Variants in ZCCHC24 observed in about 807,000 individuals in gnomAD.
The protein encoded by ZCCHC24 is zinc finger CCHC-type containing 24, also known as zinc finger CCHC domain-containing protein 24.
ZCCHC24 carries 10 observed loss-of-function variants against 26.2 expected under a neutral mutation model. The observed-to-expected ratio is 0.38, with a 90% confidence interval of 0.24 to 0.65. ZCCHC24 has a LOEUF of 0.65. Among genes scored for constraint, ZCCHC24 ranks in the 30% least tolerant of loss-of-function variants. ZCCHC24 has a pLI of 0.54. For synonymous variants in ZCCHC24, 144 were observed against 147.1 expected (o/e 0.98, Z 0.15); for missense variants, 243 against 329.1 (o/e 0.74, Z 2.03).
rs760457028 is a variant in ZCCHC24 at position 79,386,314 on chromosome 10, G to A, written c.*31C>T. ...AAGCAGCGTCTCCTCGGGCTGGCGGGGGGTGGCTCTGGGTGCGGGCGGGCA... is the reference window on the plus strand; with the variant it reads ...AAGCAGCGTCTCCTCGGGCTGGCGGAGGGTGGCTCTGGGTGCGGGCGGGCA... On this transcript the variant is annotated 3_prime_UTR_variant, in exon 4 of 4. Transcript: ENST00000372336. 1 of 1,599,246 alleles carries A rather than the reference G, an allele frequency of 6.3e-7. No individual in the cohort carries two copies. Among genetic ancestry groups the A allele is most frequent in the Admixed American group, 1.7e-5 (1 of 59,046 alleles).
chr10:79,416,996 G>T (rs1031470111), intron 2 of ZCCHC24, among the ~76,000 whole-genome samples: 1 of 152,200 alleles, frequency 6.6e-6, no homozygotes, highest in African/African-American at 2.4e-5. Context: ...TGTGGATGGC[G>T]CACTGAAGCC....
intron 1 of ZCCHC24, among the ~76,000 whole-genome samples, chr10:79,432,986 C>T (rs1393722753): frequency 6.6e-6 from 1 of 152,164 alleles, no homozygotes; most frequent in Non-Finnish European, 1.5e-5. Flanking sequence ...AACAGCTCCT[C>T]CTAGGGTTTC....
Position 79,384,598 on chromosome 10 carries a change from C to T in ZCCHC24, c.*1747G>A, listed in dbSNP as rs1856364752. The T allele has an allele frequency of 6.6e-6, 1 of 152,612 alleles. No individual in the cohort carries two copies. The highest frequency in any genetic ancestry group is 2.4e-5 in the African/African-American group (1 of 41,452). 9.5% of individuals were successfully genotyped at this position (152,612 alleles called of 1,614,324 possible). A position where few individuals can be genotyped will look rare whatever the true frequency, so the allele number is the denominator to read the frequency against. On this transcript the variant is annotated 3_prime_UTR_variant, in exon 4 of 4. Coordinates refer to ENST00000372336, the MANE Select transcript of ZCCHC24 (RefSeq NM_153367.4). ...CTGGAGCAAATACCTTTTTTAAGTG[C>T]TCAGAGGGTATGGCCCCTCAAATCC...
At chr10:79,434,145 G>T (rs1432710275) in intron 1 of ZCCHC24, among the ~76,000 whole-genome samples, 1 of 152,202 alleles carries the variant, frequency 6.6e-6, no homozygotes, top group Non-Finnish European at 1.5e-5. Context: ...TGTGCATCTG[G>T]ATCAGAGCCT....
At chr10:79,428,970 A>T (rs1857088003) in intron 2 of ZCCHC24, among the ~76,000 whole-genome samples, 2 of 152,342 alleles carry the variant, frequency 1.3e-5, no homozygotes, top group South Asian at 4.1e-4. Flanking sequence ...ATGAGTAAAG[A>T]GTTCAGAGCA....
At chr10:79,404,672 C>T (rs748146933) in intron 2 of ZCCHC24, among the ~76,000 whole-genome samples, 3 of 152,164 alleles carry the variant, frequency 2.0e-5, no homozygotes, top group Non-Finnish European at 4.4e-5. Flanking sequence ...TCCGACTGCA[C>T]CTCTCTCTCC....
chr10:79,402,348 T>G lies in ZCCHC24; in HGVS notation c.448-7908A>C, dbSNP rs545341590. 3.3e-3 allele frequency among the ~76,000 whole-genome samples: 508 copies of G among 152,294 alleles called. 4 individuals carry two copies. Among genetic ancestry groups the G allele is most frequent in the African/African-American group, 0.011 (476 of 41,572 alleles). On this transcript the variant is annotated intron_variant, in intron 2 of 3. Coordinates refer to ENST00000372336, the MANE Select transcript of ZCCHC24 (RefSeq NM_153367.4). ...TGGAGTGCAGTGGCGTGATCTCCGC[T>G]CACTGCAAGCTCCACCTCCCAGTTC... is the stretch of plus-strand genomic sequence containing the variant.
intron 3 of ZCCHC24, among the ~76,000 whole-genome samples, chr10:79,390,523 G>A (rs1032824441): frequency 3.3e-5 from 5 of 152,222 alleles, no homozygotes; most frequent in Non-Finnish European, 7.3e-5. Flanking sequence ...GGGCTCATCT[G>A]AGCTGTGCCC....
intron 2 of ZCCHC24, among the ~76,000 whole-genome samples, chr10:79,407,551 C>G (rs1856735622): frequency 6.6e-6 from 1 of 152,144 alleles, no homozygotes; most frequent in South Asian, 2.1e-4. Context: ...ACCAGAGTCT[C>G]AAATGCCTGG....
chr10:79,407,080 C>G (rs763422279), intron 2 of ZCCHC24, among the ~76,000 whole-genome samples: 19 of 152,240 alleles, frequency 1.2e-4, no homozygotes, highest in Non-Finnish European at 2.4e-4. Context: ...CTCTGTGCCA[C>G]AGTGCCACCC....
chr10:79,401,733 C>T (rs1239907278), intron 2 of ZCCHC24, among the ~76,000 whole-genome samples: 1 of 152,232 alleles, frequency 6.6e-6, no homozygotes, highest in African/African-American at 2.4e-5. Flanking sequence ...TCAGCATGTG[C>T]CTGGCAGCCC....
intron 2 of ZCCHC24, among the ~76,000 whole-genome samples, chr10:79,405,224 G>A (rs1363368596): frequency 6.6e-6 from 1 of 152,220 alleles, no homozygotes; most frequent in Non-Finnish European, 1.5e-5. Flanking sequence ...CAAACTCAGA[G>A]ATTTCACCCG....
At chr10:79,403,670 C>G in intron 2 of ZCCHC24, 1 of 914,868 alleles carries the variant, frequency 1.1e-6, no homozygotes. Context: ...GCCCAGGGCC[C>G]CCTCCCCTCT....
intron 3 of ZCCHC24, among the ~76,000 whole-genome samples, chr10:79,391,445 G>C (rs1356555590): frequency 6.6e-6 from 1 of 152,042 alleles, no homozygotes; most frequent in Non-Finnish European, 1.5e-5. Flanking sequence ...AGGGGCTGAG[G>C]GCTGGAGCCA....
At chr10:79,402,094 G>A (rs932614911) in intron 2 of ZCCHC24, among the ~76,000 whole-genome samples, 35 of 152,324 alleles carry the variant, frequency 2.3e-4, no homozygotes, top group African/African-American at 7.9e-4. Context: ...GATCCTCTGT[G>A]TGGCCTTGCT....
chr10:79,435,620 C>G (rs369670769), intron 1 of ZCCHC24, among the ~76,000 whole-genome samples: 2 of 152,332 alleles, frequency 1.3e-5, no homozygotes, highest in East Asian at 1.9e-4. Context: ...TCCAGACGAA[C>G]GCTACCTTAG....
chr10:79,425,621 C>T lies in ZCCHC24; in HGVS notation c.447+6937G>A, dbSNP rs139273160. 4.3e-3 allele frequency among the ~76,000 whole-genome samples: 655 copies of T among 152,308 alleles called. 2 individuals carry two copies. The highest frequency in any genetic ancestry group is 0.015 in the African/African-American group (617 of 41,572). Reference sequence around the variant, plus strand: ...GCTTTGATATTCACTAGCTGTGTGGCCTTGGGCAAGTCACTCCACTTCTCT... The same window carrying T: ...GCTTTGATATTCACTAGCTGTGTGGTCTTGGGCAAGTCACTCCACTTCTCT... On this transcript the variant is annotated intron_variant, in intron 2 of 3. Coordinates refer to ENST00000372336, the MANE Select transcript of ZCCHC24 (RefSeq NM_153367.4).
At chr10:79,395,785 A>G (rs192425886) in intron 2 of ZCCHC24, among the ~76,000 whole-genome samples, 21 of 152,246 alleles carry the variant, frequency 1.4e-4, no homozygotes, top group African/African-American at 5.1e-4. Flanking sequence ...ACTGCATTTT[A>G]TATATGAAAG....
chr10:79,387,863 G>A (rs1856421958), intron 3 of ZCCHC24, among the ~76,000 whole-genome samples: 1 of 152,204 alleles, frequency 6.6e-6, no homozygotes, highest in Admixed American at 6.5e-5. Context: ...CTGATCCAGG[G>A]ACCACCCTTC....
Sources: gnomAD v4.1 joint callset for allele counts (sites outside exome capture counted in the v4.1 genomes callset) on GRCh38, gnomAD v4.1.1 for gene constraint, MANE v1.5 for transcripts, NCBI Gene and HGNC (gene_info 2026-07-23, HGNC 2026-07-21) for gene names.